RNF38: variants seen among roughly 807,000 people sequenced by gnomAD.
RNF38 encodes ring finger protein 38.
A neutral mutation model predicts 67.2 loss-of-function variants in RNF38; 15 were observed. That is an observed-to-expected ratio of 0.22 (90% CI 0.15 to 0.34). RNF38 has a LOEUF of 0.34. Ranked by LOEUF, RNF38 falls within the 10% of genes least tolerant of loss-of-function variation. RNF38 has a pLI of 1.00. For missense variants in RNF38, 524 were observed against 639.9 expected, an observed-to-expected ratio of 0.82 and a Z score of 1.95; for synonymous variants, 220 against 218.8, an observed-to-expected ratio of 1.01 and a Z score of -0.05.
At chr9:36,416,814 A>G (rs1250016320) in intron 2 of RNF38, among the ~76,000 whole-genome samples, 1 of 126,742 alleles carries the variant, frequency 7.9e-6, no homozygotes, top group Non-Finnish European at 1.6e-5. Context: ...GTGCAGCGGC[A>G]CCATCTCAGC....
intron 2 of RNF38, among the ~76,000 whole-genome samples, chr9:36,381,459 T>C (rs914734340): frequency 6.6e-6 from 1 of 152,102 alleles, no homozygotes; most frequent in Non-Finnish European, 1.5e-5. Flanking sequence ...AAAATAGAAA[T>C]TATAGGACCT....
At chr9:36,411,874 A>G (rs1191806288) in intron 2 of RNF38, among the ~76,000 whole-genome samples, 15 of 152,054 alleles carry the variant, frequency 9.9e-5, no homozygotes, top group Non-Finnish European at 2.1e-4. Context: ...CAGCCTTACA[A>G]AAGAGTATTA....
chr9:36,477,821 CAAA>C (rs34504795), intron 1 of RNF38, among the ~76,000 whole-genome samples: 4 of 110,406 alleles, frequency 3.6e-5, no homozygotes, highest in African/African-American at 6.9e-5. Context: ...GACTCTGTCT[CAAA>C]AAAAAAAAAA....
Position 36,344,969 on chromosome 9 carries a change from A to T in RNF38, c.1264-16T>A, listed in dbSNP as rs1386874402. ...TTAACAGGGCCTGCAGCGGTAAAAG[A>T]CGACATATTTTCATCTATCTTTACA... is the stretch of plus-strand genomic sequence containing the variant. On this transcript the variant is annotated splice_polypyrimidine_tract_variant and intron_variant, in intron 9 of 11. Coordinates refer to ENST00000259605, the MANE Select transcript of RNF38 (RefSeq NM_022781.5). The T allele has an allele frequency of 6.3e-7, 1 of 1,596,766 alleles. No homozygotes were observed. The highest frequency in any genetic ancestry group is 8.5e-7 in the Non-Finnish European group (1 of 1,171,670).
chr9:36,401,198 G>GGGGC, upstream of RNF38: 1 of 970,944 alleles, frequency 1.0e-6, no homozygotes, highest in Non-Finnish European at 1.2e-6. Flanking sequence ...CGAGGGGGAA[G>GGGGC]GGGGCGGGGC....
At position 36,408,269 on chromosome 9, in the gene RNF38, T is replaced by G. The variant is rs563111862; in HGVS notation, n.312+16344A>C. The stretch of plus-strand genomic sequence containing the variant: ...ATACACCACCACAACAGACTTAATT[T>G]TTTTTTTTTTTTTTTGTAGAGACTA... On this transcript the variant is annotated intron_variant and non_coding_transcript_variant, in intron 2 of 3. Transcript: ENST00000488058. Among the ~76,000 whole-genome samples the G allele has an allele frequency of 1.5e-4, 22 of 150,730 alleles. No homozygotes were observed. The East Asian group carries it at 4.2e-3, about 29-fold the overall frequency.
At chr9:36,458,526 G>A (rs1180638433) in intron 1 of RNF38, among the ~76,000 whole-genome samples, 5 of 150,168 alleles carry the variant, frequency 3.3e-5, no homozygotes, top group African/African-American at 9.8e-5. Flanking sequence ...TGAAGTCAGC[G>A]AGACCACAAA....
At chr9:36,421,187 G>A (rs947575572) in intron 2 of RNF38, among the ~76,000 whole-genome samples, 8 of 152,214 alleles carry the variant, frequency 5.3e-5, no homozygotes, top group African/African-American at 1.9e-4. Flanking sequence ...ATGCCTGAAA[G>A]ATAGGCAAAG....
intron 3 of RNF38, chr9:36,372,514 G>C: frequency 1.4e-6 from 1 of 713,306 alleles, no homozygotes; most frequent in East Asian, 2.7e-5. Flanking sequence ...CTGAAATCCT[G>C]CTAGATTATT....
chr9:36,375,155 C>T (rs1266295098), intron 3 of RNF38, among the ~76,000 whole-genome samples: 1 of 152,148 alleles, frequency 6.6e-6, no homozygotes, highest in Non-Finnish European at 1.5e-5. Flanking sequence ...TTGAACTAAA[C>T]TTGTCATCTT....
chr9:36,428,451 T>A (rs1838845626), intron 1 of RNF38, among the ~76,000 whole-genome samples: 1 of 97,044 alleles, frequency 1.0e-5, no homozygotes. Context: ...CAACTATTGT[T>A]TACATATATA....
At chr9:36,428,112 C>A (rs1010670519) in intron 1 of RNF38, among the ~76,000 whole-genome samples, 2 of 151,704 alleles carry the variant, frequency 1.3e-5, no homozygotes, top group Non-Finnish European at 2.9e-5. Context: ...TAAGGCAGGC[C>A]TTATACTACA....
chr9:36,411,725 C>T (rs1339385240), intron 2 of RNF38, among the ~76,000 whole-genome samples: 1 of 151,722 alleles, frequency 6.6e-6, no homozygotes. Flanking sequence ...CCACACTGGA[C>T]TAACTTTTGT....
chr9:36,471,879 C>T (rs954162812), intron 1 of RNF38, among the ~76,000 whole-genome samples: 7 of 152,140 alleles, frequency 4.6e-5, no homozygotes, highest in Non-Finnish European at 1.0e-4. Flanking sequence ...ACAGGTGAGC[C>T]ACCGCATCCA....
At chr9:36,465,318 T>G (rs1564073345) in intron 1 of RNF38, among the ~76,000 whole-genome samples, 2 of 152,222 alleles carry the variant, frequency 1.3e-5, no homozygotes, top group Non-Finnish European at 1.5e-5. Flanking sequence ...TAAAAACTTG[T>G]ACACAAGTGT....
intron 2 of RNF38, among the ~76,000 whole-genome samples, chr9:36,377,819 G>A (rs1156448511): frequency 1.3e-5 from 2 of 151,996 alleles, no homozygotes; most frequent in African/African-American, 4.8e-5. Flanking sequence ...ATAAATAGCT[G>A]TTATACTGTA....
intron 1 of RNF38, among the ~76,000 whole-genome samples, chr9:36,479,597 G>A (rs1350602699): frequency 3.9e-5 from 6 of 152,100 alleles, no homozygotes; most frequent in African/African-American, 9.7e-5. Flanking sequence ...CCCTCTATGC[G>A]ATTCTCAAGA....
intron 1 of RNF38, among the ~76,000 whole-genome samples, chr9:36,437,012 C>T (rs1839085648): frequency 6.6e-6 from 1 of 152,138 alleles, no homozygotes; most frequent in African/African-American, 2.4e-5. Flanking sequence ...CTTTTTCCCT[C>T]TTAGCTATTC....
At chr9:36,434,858 T>C (rs942633742) in intron 1 of RNF38, among the ~76,000 whole-genome samples, 2 of 152,182 alleles carry the variant, frequency 1.3e-5, no homozygotes, top group African/African-American at 2.4e-5. Context: ...ATACATTATA[T>C]CCCAAGTGGA....
Sources: gnomAD v4.1 joint callset for allele counts (sites outside exome capture counted in the v4.1 genomes callset) on GRCh38, gnomAD v4.1.1 for gene constraint, MANE v1.5 for transcripts, NCBI Gene and HGNC (gene_info 2026-07-23, HGNC 2026-07-21) for gene names.